ERBB4: variants seen among roughly 807,000 people sequenced by gnomAD.
ERBB4 encodes the protein erb-b2 receptor tyrosine kinase 4.
ERBB4 carries 42 observed loss-of-function variants against 158.0 expected under a neutral mutation model. The observed-to-expected ratio is 0.27, with a 90% CI of 0.21 to 0.34. The LOEUF (loss-of-function observed/expected upper bound fraction) is 0.34, where lower values mean the gene tolerates loss of function less well. Among genes scored for constraint, ERBB4 ranks in the 10% least tolerant of loss-of-function variants. The pLI, the probability that ERBB4 is intolerant of heterozygous loss-of-function variation, is 1.00. For missense variants in ERBB4, 1,333 were observed against 1,624.1 expected, an observed-to-expected ratio of 0.82 and a Z score of 3.08; for synonymous variants, 583 against 558.7, an observed-to-expected ratio of 1.04 and a Z score of -0.61.
intron 19 of ERBB4, among the ~76,000 whole-genome samples, chr2:211,598,425 T>C (rs2068701445): frequency 6.6e-6 from 1 of 152,188 alleles, no homozygotes; most frequent in Admixed American, 6.5e-5. Context: ...ACTCAGTTGA[T>C]GGTGTCAACA....
chr2:211,477,459 C>A (rs2064983680), intron 20 of ERBB4, among the ~76,000 whole-genome samples: 1 of 151,922 alleles, frequency 6.6e-6, no homozygotes, highest in African/African-American at 2.4e-5. Flanking sequence ...GAAAAAGAGG[C>A]AAAAATAAAA....
At chr2:212,004,456 T>G (rs906188639) in intron 2 of ERBB4, among the ~76,000 whole-genome samples, 2 of 152,218 alleles carry the variant, frequency 1.3e-5, no homozygotes, top group Non-Finnish European at 1.5e-5. Context: ...TTTCAAATCT[T>G]GAGCCATAAA....
At chr2:212,101,110 A>G (rs2079068778) in intron 2 of ERBB4, among the ~76,000 whole-genome samples, 1 of 151,952 alleles carries the variant, frequency 6.6e-6, no homozygotes, top group Non-Finnish European at 1.5e-5. Flanking sequence ...CAATATTTTT[A>G]TCCACATATG....
chr2:212,086,565 T>G (rs2078619747), intron 2 of ERBB4, among the ~76,000 whole-genome samples: 2 of 151,970 alleles, frequency 1.3e-5, no homozygotes, highest in African/African-American at 4.8e-5. Flanking sequence ...AATGTGGTAA[T>G]CAAGGCCCAG....
chr2:211,897,100 T>G (rs932529529), intron 3 of ERBB4, among the ~76,000 whole-genome samples: 2 of 150,568 alleles, frequency 1.3e-5, no homozygotes, highest in South Asian at 4.2e-4. Flanking sequence ...AAAAACACTA[T>G]GTTTAAAGCT....
chr2:212,399,536 TTATATATACATATATATATATA>T (rs1231141165), intron 1 of ERBB4, among the ~76,000 whole-genome samples: 1 of 20,794 alleles, frequency 4.8e-5, no homozygotes, highest in Non-Finnish European at 1.0e-4. Flanking sequence ...GATATATATT[TTATATATACATATATATATATA>T]TATATATATA....
intron 20 of ERBB4, among the ~76,000 whole-genome samples, chr2:211,537,174 G>A (rs1390064427): frequency 2.0e-5 from 3 of 151,762 alleles, no homozygotes. Flanking sequence ...TGTTTACTAA[G>A]AGCATTCTCA....
At chr2:212,340,277 C>A (rs1505356) in intron 1 of ERBB4, among the ~76,000 whole-genome samples, 94,895 of 151,942 alleles carry the variant, frequency 0.62, 30,879 homozygotes, top group East Asian at 0.8. Flanking sequence ...TGGTCCCCAA[C>A]CTTTCGGGCA....
At chr2:211,865,647 G>A (rs1454259343) in intron 3 of ERBB4, among the ~76,000 whole-genome samples, 3 of 151,930 alleles carry the variant, frequency 2.0e-5, no homozygotes, top group Non-Finnish European at 4.4e-5. Flanking sequence ...TTGAATGTCT[G>A]TTGGGAATAA....
chr2:212,280,894 T>C (rs1574588440), intron 1 of ERBB4, among the ~76,000 whole-genome samples: 2 of 151,644 alleles, frequency 1.3e-5, no homozygotes, highest in African/African-American at 2.4e-5. Flanking sequence ...AGAGAAAGTG[T>C]GTGGCTTTCT....
chr2:211,676,695 C>T (rs2072088125), intron 13 of ERBB4, among the ~76,000 whole-genome samples: 1 of 152,126 alleles, frequency 6.6e-6, no homozygotes, highest in African/African-American at 2.4e-5. Context: ...TTATAAGATG[C>T]TGCTATTACA....
intron 1 of ERBB4, among the ~76,000 whole-genome samples, chr2:212,504,719 A>G (rs1364276146): frequency 2.0e-5 from 3 of 152,144 alleles, no homozygotes. Context: ...ATTTTAACAA[A>G]TATATTAGTT....
At chr2:212,159,213 A>C (rs1235271185) in intron 1 of ERBB4, among the ~76,000 whole-genome samples, 1 of 151,676 alleles carries the variant, frequency 6.6e-6, no homozygotes, top group East Asian at 1.9e-4. Context: ...AGAAACTGTG[A>C]GATCATAAGT....
chr2:211,619,178 T>G lies in ERBB4; in HGVS notation c.2300A>C (p.Asp767Ala), dbSNP rs878865458. 1.2e-5 allele frequency: 19 copies of G among 1,568,752 alleles called. No individual in the cohort carries two copies. Among genetic ancestry groups the G allele is most frequent in the Non-Finnish European group, 1.6e-5 (18 of 1,138,864 alleles). ...GATTGCCTGGGTGTCTGTACTTACA[T>G]CCATGAACTCCACATTTGCCTTGGG... ...TGPKANVEFM[D>A]EALIMASMDH... Residue 767 changes from aspartate to alanine, a missense_variant and splice_region_variant, in exon 19 of 28, where the codon GAT becomes GCT. This residue lies in a region of ERBB4 where 314 missense variants were observed against 437.6 expected (regional missense o/e 0.72). Coordinates refer to ENST00000342788, the MANE Select transcript of ERBB4 (RefSeq NM_005235.3).
chr2:211,948,367 C>G (rs1168336118), intron 2 of ERBB4, among the ~76,000 whole-genome samples: 1 of 126,364 alleles, frequency 7.9e-6, no homozygotes, highest in African/African-American at 2.9e-5. Flanking sequence ...ACCCAGGAGG[C>G]GGAGGCTGCA....
At chr2:211,587,090 T>C (rs1574812597) in intron 19 of ERBB4, among the ~76,000 whole-genome samples, 1 of 152,046 alleles carries the variant, frequency 6.6e-6, no homozygotes, top group East Asian at 1.9e-4. Context: ...GATATAATTA[T>C]TTAAGATAAG....
intron 1 of ERBB4, among the ~76,000 whole-genome samples, chr2:212,514,392 A>G (rs993817860): frequency 6.6e-6 from 1 of 152,248 alleles, no homozygotes; most frequent in Non-Finnish European, 1.5e-5. Context: ...GTTACACTTT[A>G]TTGTTTAAAT....
At chr2:212,191,957 GT>G (rs1424902196) in intron 1 of ERBB4, among the ~76,000 whole-genome samples, 1 of 107,594 alleles carries the variant, frequency 9.3e-6, no homozygotes, top group Non-Finnish European at 1.8e-5. Flanking sequence ...TGTTATATAT[GT>G]TATATATGTT....
At position 211,453,369 on chromosome 2, in the gene ERBB4, T is replaced by C. The variant is rs146094772; in HGVS notation, c.2488-22269A>G. Among the ~76,000 whole-genome samples, 25 of 152,280 alleles carry C rather than the reference T, an allele frequency of 1.6e-4. No individual in the cohort carries two copies. The East Asian group carries it at 4.4e-3, about 27-fold the overall frequency. On this transcript the variant is annotated intron_variant, in intron 20 of 27. Transcript: ENST00000342788. ...TACGTAACACAACTCCACAGAGCAT[T>C]ATTTACACAAAAATTTTGGTTTATT...
Sources: allele counts gnomAD v4.1 joint callset (sites outside exome capture counted in the v4.1 genomes callset), GRCh38; gene constraint gnomAD v4.1.1; regional missense constraint gnomAD v4.1.1; transcripts MANE v1.5; gene names NCBI Gene and HGNC (gene_info 2026-07-23, HGNC 2026-07-21).